The following DAB1 variants were observed in gnomAD, a reference collection of about 807,000 sequenced individuals.
DAB1 encodes the protein DAB adaptor protein 1.
Under a neutral mutation model 64.6 loss-of-function variants are expected in DAB1, and 15 were observed. That is an observed-to-expected ratio of 0.23 (90% confidence interval 0.16 to 0.36). The LOEUF (loss-of-function observed/expected upper bound fraction) is 0.36, where lower values mean the gene tolerates loss of function less well. DAB1 is among the 10% of genes least tolerant of loss of function. The pLI, the probability that DAB1 is intolerant of heterozygous loss-of-function variation, is 1.00. For synonymous variants in DAB1, 235 were observed against 251.9 expected (o/e 0.93, Z 0.64); for missense variants, 596 against 706.7 (o/e 0.84, Z 1.78).
At chr1:58,204,874 T>A (rs1482771288) in intron 4 of DAB1, among the ~76,000 whole-genome samples, 1 of 152,190 alleles carries the variant, frequency 6.6e-6, no homozygotes, top group African/African-American at 2.4e-5. Context: ...CGTCACGATG[T>A]GATTCCAACT....
exon 3 of DAB1, chr1:58,506,140 G>A (rs769574762): frequency 2.3e-6 from 2 of 871,798 alleles, no homozygotes; most frequent in South Asian, 2.6e-5. Flanking sequence ...ATCTTGGGTT[G>A]GCCATGCAGG....
chr1:57,472,464 G>A (rs1687172584), intron 7 of DAB1, among the ~76,000 whole-genome samples: 1 of 152,184 alleles, frequency 6.6e-6, no homozygotes, highest in Non-Finnish European at 1.5e-5. Flanking sequence ...CAGACAGCCT[G>A]GCGCCACACA....
intron 1 of DAB1, among the ~76,000 whole-genome samples, chr1:57,342,836 G>C (rs1025746066): frequency 6.7e-5 from 10 of 150,218 alleles, no homozygotes; most frequent in Non-Finnish European, 1.3e-4. Flanking sequence ...CCTCGCGGTG[G>C]GTTCGTGGTC....
chr1:57,339,195 G>T (rs373422828), intron 1 of DAB1, among the ~76,000 whole-genome samples: 1 of 144,066 alleles, frequency 6.9e-6, no homozygotes, highest in African/African-American at 2.6e-5. Flanking sequence ...TCGCTCTGTC[G>T]CCCAGGCTGG....
In DAB1 at chr1:57,198,435, C is replaced by A. The variant is rs61765563; in HGVS notation, c.68-53006G>T. 8.4e-3 allele frequency among the ~76,000 whole-genome samples: 1,286 copies of A among 152,270 alleles called. 33 individuals carry two copies. The East Asian group carries it at 0.091, about 11-fold the overall frequency. ...GAATAAAAGTCAGAATGCTGGGCATCCCCCTGCCCCAAGCCCCAGGGCCCT... is the reference window on the plus strand; with the variant it reads ...GAATAAAAGTCAGAATGCTGGGCATACCCCTGCCCCAAGCCCCAGGGCCCT... On this transcript the variant is annotated intron_variant, in intron 2 of 14. Coordinates refer to ENST00000371236, the MANE Select transcript of DAB1 (RefSeq NM_001365792.1).
intron 1 of DAB1, among the ~76,000 whole-genome samples, chr1:57,318,101 C>T (rs989438514): frequency 7.0e-6 from 1 of 143,502 alleles, no homozygotes; most frequent in African/African-American, 2.6e-5. Flanking sequence ...TCGCACACAG[C>T]ATCTCTCACT....
chr1:57,190,795 G>A (rs1351505795), intron 2 of DAB1, among the ~76,000 whole-genome samples: 1 of 152,122 alleles, frequency 6.6e-6, no homozygotes, highest in Non-Finnish European at 1.5e-5. Flanking sequence ...ACTCTGCTGG[G>A]GTTCTCGACA....
intron 2 of DAB1, among the ~76,000 whole-genome samples, chr1:57,284,245 A>G (rs1424489047): frequency 2.6e-5 from 4 of 152,216 alleles, no homozygotes; most frequent in African/African-American, 7.2e-5. Context: ...AAGACGAGAC[A>G]TAAATATCAG....
At chr1:57,580,252 C>G (rs187431722) in intron 7 of DAB1, among the ~76,000 whole-genome samples, 1 of 152,058 alleles carries the variant, frequency 6.6e-6, no homozygotes, top group South Asian at 2.1e-4. Context: ...ACTATGACTG[C>G]GCACACATAT....
intron 3 of DAB1, among the ~76,000 whole-genome samples, chr1:58,417,159 C>A (rs1557754003): frequency 1.3e-5 from 2 of 152,198 alleles, no homozygotes; most frequent in Non-Finnish European, 2.9e-5. Flanking sequence ...TGCCTTATGG[C>A]TGTTCTCACA....
At chr1:57,007,344 T>A (rs1465506514) in intron 14 of DAB1, among the ~76,000 whole-genome samples, 1 of 152,190 alleles carries the variant, frequency 6.6e-6, no homozygotes, top group African/African-American at 2.4e-5. Context: ...TTTTCTTTCA[T>A]CTCCTCAAAA....
chr1:57,414,826 T>C (rs935457580), intron 1 of DAB1, among the ~76,000 whole-genome samples: 12 of 152,024 alleles, frequency 7.9e-5, no homozygotes, highest in African/African-American at 2.9e-4. Flanking sequence ...TTGAAGAAAA[T>C]TATAAACTGT....
chr1:57,201,342 C>T (rs1665081494), intron 2 of DAB1, among the ~76,000 whole-genome samples: 1 of 151,874 alleles, frequency 6.6e-6, no homozygotes, highest in South Asian at 2.1e-4. Flanking sequence ...CATCCATCAA[C>T]ATCCAAATCC....
intron 6 of DAB1, among the ~76,000 whole-genome samples, chr1:57,670,124 A>G (rs537928542): frequency 6.6e-6 from 1 of 152,278 alleles, no homozygotes; most frequent in East Asian, 1.9e-4. Context: ...CTGGCACTTC[A>G]TTAGACTCTT....
intron 4 of DAB1, among the ~76,000 whole-genome samples, chr1:58,310,406 G>T (rs139198256): frequency 6.6e-5 from 10 of 152,188 alleles, no homozygotes; most frequent in Non-Finnish European, 1.3e-4. Context: ...GGTCCGCAGA[G>T]AACATTATAG....
intron 5 of DAB1, among the ~76,000 whole-genome samples, chr1:57,935,064 T>C (rs748681202): frequency 1.3e-5 from 2 of 152,232 alleles, no homozygotes; most frequent in Admixed American, 6.5e-5. Flanking sequence ...AATTGAGATA[T>C]ACATCTCCTG....
chr1:57,842,284 C>T (rs1653087705), intron 1 of DAB1, among the ~76,000 whole-genome samples: 1 of 152,196 alleles, frequency 6.6e-6, no homozygotes, highest in Non-Finnish European at 1.5e-5. Context: ...ATTATCCATA[C>T]CACTATCAGC....
chr1:57,658,879 C>T (rs6696766), intron 6 of DAB1, among the ~76,000 whole-genome samples: 42,147 of 151,632 alleles, frequency 0.28, 6,736 homozygotes, highest in Non-Finnish European at 0.38. Flanking sequence ...TTGCTTTGCT[C>T]TTAATATTGG....
intron 4 of DAB1, among the ~76,000 whole-genome samples, chr1:58,192,936 T>A (rs1463909608): frequency 1.3e-5 from 2 of 152,242 alleles, no homozygotes; most frequent in Admixed American, 6.5e-5. Flanking sequence ...ACAATGTGAA[T>A]GTACACTTAG....
Sources: allele counts gnomAD v4.1 joint callset (sites outside exome capture counted in the v4.1 genomes callset), GRCh38; gene constraint gnomAD v4.1.1; transcripts MANE v1.5; gene names NCBI Gene and HGNC (gene_info 2026-07-23, HGNC 2026-07-21).